Variants in CPQ observed in about 807,000 individuals in gnomAD.
CPQ encodes the protein Ser-Met dipeptidase.
CPQ carries 37 observed loss-of-function variants against 45.7 expected under a neutral mutation model. The ratio of observed to expected loss-of-function variants is 0.81; its 90% CI spans 0.62 to 1.07. The LOEUF (loss-of-function observed/expected upper bound fraction) is 1.07, where lower values mean the gene tolerates loss of function less well. Among genes scored for constraint, CPQ ranks in the 50% least tolerant of loss-of-function variants. The pLI, the probability that CPQ is intolerant of heterozygous loss-of-function variation, is 0.00. For synonymous variants in CPQ, 186 were observed against 205.8 expected (o/e 0.90, Z 0.82); for missense variants, 537 against 572.9 (o/e 0.94, Z 0.64).
chr8:96,681,907 T>A (rs1809157703), intron 1 of CPQ, among the ~76,000 whole-genome samples: 1 of 152,210 alleles, frequency 6.6e-6, no homozygotes, highest in Non-Finnish European at 1.5e-5. Context: ...GCATGGGGCC[T>A]GCAGCTTCTT....
chr8:97,129,573 C>T (rs1046915709), intron 7 of CPQ, among the ~76,000 whole-genome samples: 5 of 151,966 alleles, frequency 3.3e-5, no homozygotes, highest in East Asian at 1.9e-4. Flanking sequence ...TCATTTACTC[C>T]GGAAACAAAA....
At chr8:97,025,876 G>A (rs186018051) in intron 5 of CPQ, among the ~76,000 whole-genome samples, 7 of 152,124 alleles carry the variant, frequency 4.6e-5, no homozygotes, top group East Asian at 3.9e-4. Flanking sequence ...TTCAGATTTC[G>A]GATATATTTA....
intron 1 of CPQ, among the ~76,000 whole-genome samples, chr8:96,677,457 G>T (rs920203039): frequency 5.3e-5 from 8 of 152,038 alleles, no homozygotes; most frequent in African/African-American, 1.9e-4. Context: ...GTGTTTGGTG[G>T]CTGTTTGTAT....
intron 4 of CPQ, among the ~76,000 whole-genome samples, chr8:96,903,431 G>T (rs959394161): frequency 1.3e-5 from 2 of 152,178 alleles, no homozygotes; most frequent in Non-Finnish European, 2.9e-5. Flanking sequence ...TACTTAACAA[G>T]AAGTTGTTGT....
intron 1 of CPQ, among the ~76,000 whole-genome samples, chr8:96,722,150 G>T (rs2130763549): frequency 6.6e-6 from 1 of 152,202 alleles, no homozygotes; most frequent in East Asian, 1.9e-4. Flanking sequence ...ACAATGCATG[G>T]TTCACAAGTA....
chr8:96,747,893 C>T (rs1347664665), intron 1 of CPQ, among the ~76,000 whole-genome samples: 2 of 152,148 alleles, frequency 1.3e-5, no homozygotes, highest in Non-Finnish European at 2.9e-5. Flanking sequence ...GTTTGAGTAC[C>T]TCTGGATGAT....
At chr8:96,789,814 G>C (rs569083149) in intron 2 of CPQ, among the ~76,000 whole-genome samples, 1 of 152,282 alleles carries the variant, frequency 6.6e-6, no homozygotes, top group South Asian at 2.1e-4. Context: ...TAAACACCTT[G>C]AGTGAGTGAG....
At chr8:97,046,934 T>C (rs921957341) in intron 6 of CPQ, among the ~76,000 whole-genome samples, 2 of 152,216 alleles carry the variant, frequency 1.3e-5, no homozygotes, top group African/African-American at 4.8e-5. Context: ...AAATTACCCA[T>C]TTTTTCCACG....
At chr8:96,878,736 A>G (rs1425537200) in intron 3 of CPQ, among the ~76,000 whole-genome samples, 1 of 152,234 alleles carries the variant, frequency 6.6e-6, no homozygotes, top group Non-Finnish European at 1.5e-5. Context: ...TCTATAGGAG[A>G]TAAGCACCAA....
chr8:96,749,719 A>C (rs1586385875), intron 1 of CPQ, among the ~76,000 whole-genome samples: 1 of 152,258 alleles, frequency 6.6e-6, no homozygotes, highest in East Asian at 1.9e-4. Flanking sequence ...GTTGGCTCGG[A>C]TGTGAGGAAA....
At position 97,135,645 on chromosome 8, in the gene CPQ, A is replaced by G. The variant is rs80025340; in HGVS notation, c.1256-7375A>G. ...GTTAAGACCATAACATTCTTCCCTC[A>G]CCCCATAATTATTATGATCAGGGAA... On this transcript the variant is annotated intron_variant, in intron 7 of 7. Transcript: ENST00000220763. Among the ~76,000 whole-genome samples, 927 of 152,254 alleles carry G rather than the reference A, an allele frequency of 6.1e-3. 2 individuals are homozygous for G. Among genetic ancestry groups the G allele is most frequent in the Middle Eastern group, 0.02 (6 of 294 alleles).
At position 96,835,028 on chromosome 8, in the gene CPQ, C is replaced by T. The variant is rs1440513463; in HGVS notation, c.489C>T (p.Ala163=). 3.1e-6 allele frequency: 5 copies of T among 1,613,640 alleles called. No homozygotes were observed. The African/African-American group carries it at 5.3e-5, about 17-fold the overall frequency. Residue 163 remains alanine, a synonymous_variant, in exon 3 of 8, where the codon GCC becomes GCT. Transcript: ENST00000220763. ...VTSFDELQRR[A]SEARGKIVVY... ...CTTTCGATGAACTGCAGAGAAGGGC[C>T]TCAGAAGCAAGAGGGAAGATTGTTG...
rs375799477 is a variant in CPQ at position 97,061,677 on chromosome 8, G to A, written c.1054-4332G>A. Among the ~76,000 whole-genome samples the A allele has an allele frequency of 8.5e-5, 13 of 152,182 alleles. No homozygotes were observed. The South Asian group carries it at 1.0e-3, about 12-fold the overall frequency. ...AGACGTTACACATAGTGTCTGGCTC[G>A]TAGGAAACATCACAGAAATGCTGCC... On this transcript the variant is annotated intron_variant, in intron 6 of 7. Coordinates refer to ENST00000220763, the MANE Select transcript of CPQ (RefSeq NM_016134.4).
At chr8:96,666,714 A>G (rs996658178) in intron 1 of CPQ, among the ~76,000 whole-genome samples, 3 of 152,196 alleles carry the variant, frequency 2.0e-5, no homozygotes, top group Non-Finnish European at 2.9e-5. Flanking sequence ...CGAAGAGGCT[A>G]AGGATTTTTA....
chr8:96,673,924 T>C (rs1260996890), intron 1 of CPQ, among the ~76,000 whole-genome samples: 1 of 152,076 alleles, frequency 6.6e-6, no homozygotes, highest in East Asian at 1.9e-4. Flanking sequence ...AAAAGAGAAA[T>C]GAAAAACAAA....
At chr8:96,684,261 T>C (rs1196101562) in intron 1 of CPQ, among the ~76,000 whole-genome samples, 1 of 152,212 alleles carries the variant, frequency 6.6e-6, no homozygotes, top group Non-Finnish European at 1.5e-5. Context: ...TGATTCTGGT[T>C]GGGCACGGTA....
intron 5 of CPQ, among the ~76,000 whole-genome samples, chr8:97,010,003 C>G (rs1809456233): frequency 6.6e-6 from 1 of 152,152 alleles, no homozygotes. Context: ...GAAGATTGCA[C>G]TGGAAAACTT....
intron 4 of CPQ, among the ~76,000 whole-genome samples, chr8:96,907,996 A>G (rs1812600776): frequency 6.6e-6 from 1 of 152,122 alleles, no homozygotes; most frequent in South Asian, 2.1e-4. Context: ...TCATCCAGGC[A>G]GAAAATGAGT....
intron 7 of CPQ, among the ~76,000 whole-genome samples, chr8:97,117,641 C>T (rs1181980144): frequency 6.6e-5 from 10 of 152,060 alleles, no homozygotes; most frequent in African/African-American, 2.4e-4. Flanking sequence ...CAAGCAATCC[C>T]CCTGCCTCAG....
Sources: gnomAD v4.1 joint callset for allele counts (sites outside exome capture counted in the v4.1 genomes callset) on GRCh38, gnomAD v4.1.1 for gene constraint, MANE v1.5 for transcripts, NCBI Gene and HGNC (gene_info 2026-07-23, HGNC 2026-07-21) for gene names.